The following NPRL3 variants were observed in gnomAD, a reference collection of about 807,000 sequenced individuals.
NPRL3 encodes the protein GATOR1 complex protein NPRL3.
A neutral mutation model predicts 57.2 loss-of-function variants in NPRL3; 23 were observed. The observed-to-expected ratio is 0.40, with a 90% CI of 0.29 to 0.57. NPRL3 has a LOEUF of 0.57. Ranked by LOEUF, NPRL3 falls within the 20% of genes least tolerant of loss-of-function variation. The pLI is 0.42. For synonymous variants in NPRL3, 333 were observed against 321.1 expected, an observed-to-expected ratio of 1.04 and a Z score of -0.39; for missense variants, 691 against 767.1, an observed-to-expected ratio of 0.90 and a Z score of 1.17.
rs1901152325 is a variant in NPRL3 at position 137,453 on chromosome 16, A to C, written c.118+697T>G. On this transcript the variant is annotated intron_variant, in intron 2 of 13. Coordinates refer to ENST00000611875, the MANE Select transcript of NPRL3 (RefSeq NM_001077350.3). ...TCCCTTTTCCTGTGGATAGATCTGC[A>C]TCTATGCACAGGGCAGACAACTCCC... Among the ~76,000 whole-genome samples, 4 of 152,152 alleles carry C rather than the reference A, an allele frequency of 2.6e-5. No homozygotes were observed. In the South Asian group the frequency reaches 8.3e-4, roughly 32 times the overall value.
chr16:131,573 G>C (rs1367152000), intron 2 of NPRL3, among the ~76,000 whole-genome samples: 2 of 138,392 alleles, frequency 1.4e-5, no homozygotes, highest in African/African-American at 5.3e-5. Flanking sequence ...ACTTGAGCCT[G>C]GGTGACAGAG....
chr16:99,442 A>G (rs1899171848), intron 8 of NPRL3, among the ~76,000 whole-genome samples: 1 of 152,088 alleles, frequency 6.6e-6, no homozygotes, highest in Non-Finnish European at 1.5e-5. Context: ...CAGGAGTTCA[A>G]GACGAGCCTG....
chr16:116,942 T>C (rs531912138), intron 5 of NPRL3, among the ~76,000 whole-genome samples: 1 of 150,488 alleles, frequency 6.6e-6, no homozygotes, highest in Non-Finnish European at 1.5e-5. Context: ...GCTACTACAC[T>C]CCAGCCTGGG....
At chr16:115,244 G>A (rs1317647367) in intron 5 of NPRL3, among the ~76,000 whole-genome samples, 1 of 151,876 alleles carries the variant, frequency 6.6e-6, no homozygotes, top group Non-Finnish European at 1.5e-5. Flanking sequence ...CGAAGTGCTA[G>A]GAATACAGGA....
intron 5 of NPRL3, among the ~76,000 whole-genome samples, 185 bp downstream of exon 5, chr16:117,116 A>C (rs1438382855): frequency 1.3e-5 from 2 of 152,228 alleles, no homozygotes; most frequent in African/African-American, 4.8e-5. Context: ...AAAATGACAA[A>C]TAGTGTTATG....
intron 13 of NPRL3, among the ~76,000 whole-genome samples, chr16:87,255 G>C (rs776526813): frequency 6.6e-6 from 1 of 151,612 alleles, no homozygotes; most frequent in Non-Finnish European, 1.5e-5. Flanking sequence ...TTTGAGAGAC[G>C]GAGTCTCACT....
chr16:112,278 A>G (rs1899848760), intron 6 of NPRL3, among the ~76,000 whole-genome samples: 1 of 152,270 alleles, frequency 6.6e-6, no homozygotes, highest in Middle Eastern at 3.2e-3. Flanking sequence ...AGGAAAATTC[A>G]TCTACAAATG....
intron 6 of NPRL3, among the ~76,000 whole-genome samples, chr16:112,273 A>C (rs1899848548): frequency 6.6e-6 from 1 of 152,190 alleles, no homozygotes; most frequent in African/African-American, 2.4e-5. Flanking sequence ...CAGCCAGGAA[A>C]ATTCATCTAC....
intron 8 of NPRL3, among the ~76,000 whole-genome samples, chr16:99,417 G>C (rs1444604267): frequency 6.6e-6 from 1 of 152,046 alleles, no homozygotes; most frequent in Non-Finnish European, 1.5e-5. Context: ...GGCCGAGGCG[G>C]GTGGATCACG....
intron 5 of NPRL3, 67 bp from the exon 6 acceptor site, chr16:112,842 T>C (rs1899877980): frequency 1.4e-6 from 2 of 1,440,002 alleles, no homozygotes; most frequent in South Asian, 2.9e-5. Flanking sequence ...ACAGTTTAAA[T>C]GGAGCTAACA....
chr16:106,670 A>G (rs896208408), intron 7 of NPRL3, among the ~76,000 whole-genome samples: 1 of 149,516 alleles, frequency 6.7e-6, no homozygotes. Context: ...AACCAGGAAC[A>G]ATTCCTTTGA....
intron 9 of NPRL3, among the ~76,000 whole-genome samples, chr16:95,781 G>A (rs987852297): frequency 6.6e-6 from 1 of 152,114 alleles, no homozygotes; most frequent in Non-Finnish European, 1.5e-5. Flanking sequence ...TGTTGCCTAG[G>A]CTGGTCGTGA....
At chr16:116,782 G>A (rs1417617889) in intron 5 of NPRL3, among the ~76,000 whole-genome samples, 1 of 133,464 alleles carries the variant, frequency 7.5e-6, no homozygotes, top group Non-Finnish European at 1.6e-5. Context: ...GGCCAACATG[G>A]CGAGACCCCC....
chr16:118,692 C>A (rs798604), intron 4 of NPRL3, among the ~76,000 whole-genome samples: 5 of 152,120 alleles, frequency 3.3e-5, no homozygotes, highest in African/African-American at 4.8e-5. Flanking sequence ...ACAGTTCATA[C>A]CAAGTGTCTA....
intron 7 of NPRL3, among the ~76,000 whole-genome samples, chr16:107,391 T>C (rs1035118538): frequency 1.3e-5 from 2 of 151,864 alleles, no homozygotes; most frequent in Admixed American, 1.3e-4. Flanking sequence ...ACGCCTGTCA[T>C]CCCAGCATTT....
chr16:96,819 G>C (rs1027226065), intron 9 of NPRL3, among the ~76,000 whole-genome samples: 3 of 152,132 alleles, frequency 2.0e-5, no homozygotes, highest in Non-Finnish European at 4.4e-5. Flanking sequence ...GCACAATTTG[G>C]TAAGTGCTCT....
Position 88,753 on chromosome 16 carries a change from C to T in NPRL3, c.1489G>A (p.Ala497Thr), listed in dbSNP as rs377485939. Residue 497 changes from alanine (A) to threonine (T), a missense_variant, in exon 13 of 14, where the codon GCC becomes ACC. Ala to Thr is a moderately conservative substitution (Grantham distance 58, BLOSUM62 0). Transcript: ENST00000611875. ...TGGGCTGCGGGTACACTGAGGATGG[C>T]TGCGCGTTCATGCTCCGACAGGCTG... ...LASLSEHERA[A>T]ILSVPAAQNP... is the part of the protein sequence containing the mutation. The T allele has an allele frequency of 2.5e-6, 4 of 1,613,598 alleles. No homozygotes were observed. The highest frequency in any genetic ancestry group is 8.5e-7 in the Non-Finnish European group (1 of 1,179,786).
At chr16:101,287 C>T (rs1257700566) in intron 7 of NPRL3, among the ~76,000 whole-genome samples, 1 of 152,188 alleles carries the variant, frequency 6.6e-6, no homozygotes, top group Non-Finnish European at 1.5e-5. Flanking sequence ...GAAGGAATGC[C>T]AAGTCCCCCA....
intron 12 of NPRL3, 116 bp from the exon 13 acceptor site, chr16:89,006 G>GGGT: frequency 1.1e-6 from 1 of 905,910 alleles, no homozygotes; most frequent in Non-Finnish European, 1.7e-6. Context: ...CAAGGGTTAG[G>GGGT]GTACATCTGC....
Sources: gnomAD v4.1 joint callset for allele counts (sites outside exome capture counted in the v4.1 genomes callset) on GRCh38, gnomAD v4.1.1 for gene constraint, MANE v1.5 for transcripts, NCBI Gene and HGNC (gene_info 2026-07-23, HGNC 2026-07-21) for gene names.